Variants in CHKA observed in about 807,000 individuals in gnomAD.
CHKA encodes the protein CHETK-alpha.
CHKA carries 34 observed loss-of-function variants against 60.1 expected under a neutral mutation model. The ratio of observed to expected loss-of-function variants is 0.57; its 90% CI spans 0.43 to 0.75. CHKA has a LOEUF of 0.75. CHKA is among the 30% of genes least tolerant of loss of function. The pLI is 0.00. For missense variants in CHKA, 563 were observed against 561.3 expected (o/e 1.00, Z -0.03); for synonymous variants, 217 against 223.1 (o/e 0.97, Z 0.24).
chr11:68,085,163 G>A (rs757724843), intron 2 of CHKA, among the ~76,000 whole-genome samples: 16 of 152,060 alleles, frequency 1.1e-4, no homozygotes, highest in Non-Finnish European at 1.3e-4. Context: ...TGAGGCTACA[G>A]TGACAGCATT....
intron 2 of CHKA, among the ~76,000 whole-genome samples, chr11:68,083,966 C>CGG (rs770778973): frequency 1.3e-5 from 2 of 151,368 alleles, no homozygotes; most frequent in East Asian, 2.0e-4. Context: ...ATTTTGGGGC[C>CGG]GGCGGGGGTG....
chr11:68,097,509 G>C (rs369744443), intron 1 of CHKA, among the ~76,000 whole-genome samples: 92 of 152,088 alleles, frequency 6.0e-4, no homozygotes, highest in South Asian at 2.1e-3. Context: ...GGTGGCAGGT[G>C]CCTGTAGTCC....
chr11:68,116,609 CG>C (rs1357554225), intron 1 of CHKA, among the ~76,000 whole-genome samples: 1 of 151,628 alleles, frequency 6.6e-6, no homozygotes, highest in African/African-American at 2.4e-5. Context: ...CCCAGCTACT[CG>C]GGAGGCCGAG....
chr11:68,060,022 G>T (rs1856167442), intron 11 of CHKA, among the ~76,000 whole-genome samples: 1 of 124,650 alleles, frequency 8.0e-6, no homozygotes, highest in South Asian at 2.5e-4. Context: ...TTCTGAGATA[G>T]AGTTTCACTC....
intron 8 of CHKA, 112 bp from the exon 9 acceptor site, chr11:68,066,006 T>G: frequency 1.5e-6 from 1 of 688,720 alleles, no homozygotes; most frequent in Non-Finnish European, 2.5e-6. Flanking sequence ...CCTGTTGCCA[T>G]CTGGACTTGC....
At chr11:68,104,424 T>C (rs777721323) in intron 1 of CHKA, among the ~76,000 whole-genome samples, 2 of 152,050 alleles carry the variant, frequency 1.3e-5, no homozygotes, top group Non-Finnish European at 2.9e-5. Flanking sequence ...ACAATTATTA[T>C]TATTATTATT....
intron 7 of CHKA, 26 bp downstream of exon 7, chr11:68,068,853 C>A (rs778593763): frequency 6.4e-7 from 1 of 1,559,336 alleles, no homozygotes; most frequent in Non-Finnish European, 8.8e-7. Flanking sequence ...CAAACCTCAT[C>A]TGTAACAGAA....
At chr11:68,059,661 G>C (rs2134493187) in intron 11 of CHKA, among the ~76,000 whole-genome samples, 1 of 152,154 alleles carries the variant, frequency 6.6e-6, no homozygotes, top group Middle Eastern at 3.4e-3. Flanking sequence ...GGTTTATTTA[G>C]AAGTGTACTG....
intron 1 of CHKA, among the ~76,000 whole-genome samples, chr11:68,107,035 C>A (rs1565193179): frequency 6.6e-6 from 1 of 152,098 alleles, no homozygotes; most frequent in Non-Finnish European, 1.5e-5. Context: ...GGGTGGATCA[C>A]GAGATCAGGA....
At chr11:68,072,241 C>T (rs952461388) in intron 4 of CHKA, among the ~76,000 whole-genome samples, 1 of 152,116 alleles carries the variant, frequency 6.6e-6, no homozygotes, top group Non-Finnish European at 1.5e-5. Context: ...CACCTGATCC[C>T]AAGCAGTGAA....
intron 2 of CHKA, among the ~76,000 whole-genome samples, chr11:68,086,300 G>C (rs1200754427): frequency 1.3e-5 from 2 of 152,048 alleles, no homozygotes; most frequent in African/African-American, 4.8e-5. Flanking sequence ...GCGACAGCGA[G>C]ACTCTGTCTC....
chr11:68,092,250 C>G (rs1193494800), intron 2 of CHKA, among the ~76,000 whole-genome samples: 2 of 152,204 alleles, frequency 1.3e-5, no homozygotes, highest in East Asian at 3.8e-4. Context: ...TCAGCCACAT[C>G]TCTCAATTAA....
At chr11:68,088,721 C>A (rs915469284) in intron 2 of CHKA, among the ~76,000 whole-genome samples, 1 of 151,862 alleles carries the variant, frequency 6.6e-6, no homozygotes, top group South Asian at 2.1e-4. Context: ...AAAATGAAAT[C>A]ATCCCGTATT....
rs1236119237 is a variant in CHKA at position 68,121,146 on chromosome 11, G to A, written c.32C>T (p.Ala11Val). Residue 11 changes from alanine (A) to valine (V), a missense_variant, in exon 1 of 12, where the codon GCG (alanine) becomes GTG (valine). Coordinates refer to ENST00000265689, the MANE Select transcript of CHKA (RefSeq NM_001277.3). MKTKFCTGGE[A>V]EPSPLGLLLS... ...CAGCAGCCCGAGCGGCGAGGGCTCCGCCTCGCCCCCGGTGCAGAATTTGGT... is the reference window on the plus strand; with the variant it reads ...CAGCAGCCCGAGCGGCGAGGGCTCCACCTCGCCCCCGGTGCAGAATTTGGT... 5 of 1,209,188 alleles carry A rather than the reference G, an allele frequency of 4.1e-6. No individual in the cohort carries two copies. Among genetic ancestry groups the A allele is most frequent in the Non-Finnish European group, 5.2e-6 (5 of 965,722 alleles). 74.9% of individuals were successfully genotyped at this position (1,209,188 alleles called of 1,614,324 possible). A position where few individuals can be genotyped will look rare whatever the true frequency, so the allele number is the denominator to read the frequency against.
chr11:68,072,006 G>C (rs1362860260), intron 4 of CHKA, among the ~76,000 whole-genome samples: 1 of 152,214 alleles, frequency 6.6e-6, no homozygotes, highest in Non-Finnish European at 1.5e-5. Flanking sequence ...ACTTCCAGCA[G>C]CAGGACACAC....
intron 11 of CHKA, among the ~76,000 whole-genome samples, chr11:68,056,705 C>T (rs951926690): frequency 6.6e-6 from 1 of 152,116 alleles, no homozygotes; most frequent in Non-Finnish European, 1.5e-5. Flanking sequence ...TTTATCTCTT[C>T]ACCCTTAAAA....
chr11:68,105,110 A>T (rs914818168), intron 1 of CHKA, among the ~76,000 whole-genome samples: 2 of 152,078 alleles, frequency 1.3e-5, no homozygotes, highest in Non-Finnish European at 2.9e-5. Flanking sequence ...TCTCAAAAAA[A>T]AAAAGAGATT....
intron 1 of CHKA, among the ~76,000 whole-genome samples, chr11:68,115,003 G>A (rs974920769): frequency 6.6e-6 from 1 of 152,024 alleles, no homozygotes; most frequent in Admixed American, 6.6e-5. Context: ...ACTATACAAT[G>A]GTACAAAGGT....
intron 3 of CHKA, among the ~76,000 whole-genome samples, chr11:68,075,742 C>G (rs1160652544): frequency 1.3e-5 from 2 of 152,034 alleles, no homozygotes; most frequent in Non-Finnish European, 2.9e-5. Flanking sequence ...TAGAGACCAG[C>G]CTGGGCAACA....
Sources: gnomAD v4.1 joint callset for allele counts (sites outside exome capture counted in the v4.1 genomes callset) on GRCh38, gnomAD v4.1.1 for gene constraint, MANE v1.5 for transcripts, NCBI Gene and HGNC (gene_info 2026-07-23, HGNC 2026-07-21) for gene names.